The following FRY variants were observed in gnomAD, a reference collection of about 807,000 sequenced individuals.
FRY encodes FRY microtubule binding protein, also known as protein furry homolog.
In FRY, 128 loss-of-function variants were observed where a neutral mutation model predicts 348.4. The ratio of observed to expected loss-of-function variants is 0.37; its 90% confidence interval spans 0.32 to 0.43. The LOEUF (loss-of-function observed/expected upper bound fraction) is 0.43, where lower values mean the gene tolerates loss of function less well. FRY is among the 20% of genes least tolerant of loss of function. FRY has a pLI of 1.00. For synonymous variants in FRY, 1,370 were observed against 1,374.7 expected, an observed-to-expected ratio of 1.00 and a Z score of 0.08; for missense variants, 2,736 against 3,695.2, an observed-to-expected ratio of 0.74 and a Z score of 6.73.
At chr13:32,261,160 C>T (rs992263117) in intron 51 of FRY, among the ~76,000 whole-genome samples, 10 of 152,160 alleles carry the variant, frequency 6.6e-5, no homozygotes, top group South Asian at 2.1e-4. Context: ...ACTAAATACC[C>T]AAAGGATTCT....
intron 17 of FRY, among the ~76,000 whole-genome samples, chr13:32,164,898 T>C (rs1326020633): frequency 6.6e-6 from 1 of 152,226 alleles, no homozygotes; most frequent in Non-Finnish European, 1.5e-5. Context: ...GCTCCTTTCC[T>C]TGTCACTTCC....
At chr13:32,179,597 T>C in intron 22 of FRY, 78 bp from the exon 23 acceptor site, 1 of 1,490,686 alleles carries the variant, frequency 6.7e-7, no homozygotes, top group Non-Finnish European at 9.3e-7. Flanking sequence ...GAAACTGTTA[T>C]AATGGGATCA....
chr13:32,267,152 C>A lies in FRY; in HGVS notation c.7947-18C>A. 1.9e-6 allele frequency: 3 copies of A among 1,607,904 alleles called. No individual in the cohort carries two copies. Among genetic ancestry groups the A allele is most frequent in the South Asian group, 2.2e-5 (2 of 90,936 alleles). On this transcript the variant is annotated intron_variant, in intron 54 of 60. Transcript: ENST00000542859. Reference sequence around the variant, plus strand: ...GAAGGACATCACTTCTTGACATAGTCGTTTTCATTTTTTCCAGCTTTGGAG... The same window carrying A: ...GAAGGACATCACTTCTTGACATAGTAGTTTTCATTTTTTCCAGCTTTGGAG...
At chr13:32,131,410 GAGA>G (rs1052402882) in intron 7 of FRY, among the ~76,000 whole-genome samples, 4 of 152,318 alleles carry the variant, frequency 2.6e-5, no homozygotes, top group Admixed American at 6.5e-5. Context: ...AGACCATTTT[GAGA>G]AGGTCTAAAT....
chr13:32,227,783 A>G (rs973172576), intron 39 of FRY, among the ~76,000 whole-genome samples: 2 of 138,362 alleles, frequency 1.4e-5, no homozygotes, highest in African/African-American at 5.5e-5. Flanking sequence ...ACAGAGTCTC[A>G]CTCTGTCTCC....
intron 52 of FRY, among the ~76,000 whole-genome samples, chr13:32,262,077 TG>T (rs781321286): frequency 1.1e-4 from 16 of 152,350 alleles, no homozygotes; most frequent in East Asian, 9.6e-4. Flanking sequence ...ATACCTTTTA[TG>T]ATTCTGGAAT....
At chr13:32,100,881 T>A (rs1396547379) in intron 2 of FRY, among the ~76,000 whole-genome samples, 1 of 152,170 alleles carries the variant, frequency 6.6e-6, no homozygotes, top group African/African-American at 2.4e-5. Flanking sequence ...TTAGGACCTC[T>A]TACTGATCCC....
At chr13:32,268,502 AAAAATATATATAT>A (rs1236750855) in intron 55 of FRY, among the ~76,000 whole-genome samples, 2 of 16,980 alleles carry the variant, frequency 1.2e-4, no homozygotes, top group African/African-American at 3.2e-4. Flanking sequence ...AAAAAAAAAA[AAAAATATATATAT>A]ATATATATAT....
intron 1 of FRY, among the ~76,000 whole-genome samples, chr13:32,034,668 C>T (rs1376666778): frequency 1.3e-5 from 2 of 152,178 alleles, no homozygotes; most frequent in Non-Finnish European, 2.9e-5. Context: ...TCAGTTTAAC[C>T]TGGAATGCTC....
Position 32,244,236 on chromosome 13 carries a change from C to A in FRY, c.6828+54C>A, listed in dbSNP as rs570202115. ...ACCAGTCGTTCTAAAAAGATGGAGG[C>A]TTTTCCTGTAGCTTGGCTACAAAAC... On this transcript the variant is annotated intron_variant, in intron 47 of 60. Coordinates refer to ENST00000542859, the MANE Select transcript of FRY (RefSeq NM_023037.3). 5.1e-5 allele frequency: 79 copies of A among 1,533,982 alleles called. No individual in the cohort carries two copies. In the South Asian group the frequency reaches 7.9e-4, roughly 15 times the overall value.
intron 55 of FRY, 29 bp from the exon 56 acceptor site, chr13:32,274,813 T>C (rs1385230960): frequency 6.3e-7 from 1 of 1,599,004 alleles, no homozygotes; most frequent in African/African-American, 1.3e-5. Context: ...AACTTGACCT[T>C]TACAAATGGT....
In FRY at chr13:32,155,528, C is replaced by G; in HGVS notation, c.1517C>G (p.Ala506Gly). 6.2e-7 allele frequency: 1 copy of G among 1,613,544 alleles called. No homozygotes were observed. The highest frequency in any genetic ancestry group is 1.1e-5 in the South Asian group (1 of 91,070). ...NIGLRAFLVI[A>G]DSLQQKDGEP... is the part of the protein sequence containing the mutation. ...GGTTTACGGGCATTCTTGGTCATAGCTGATAGCTTGCAGCAGAAAGATGGG... is the reference window on the plus strand; with the variant it reads ...GGTTTACGGGCATTCTTGGTCATAGGTGATAGCTTGCAGCAGAAAGATGGG... Residue 506 changes from alanine to glycine, a missense_variant, in exon 15 of 61, where the codon GCT becomes GGT. By Grantham distance (60) the Ala-to-Gly change is moderately conservative (BLOSUM62 0). Coordinates refer to ENST00000542859, the MANE Select transcript of FRY (RefSeq NM_023037.3).
intron 2 of FRY, among the ~76,000 whole-genome samples, chr13:32,079,789 G>A (rs1333448273): frequency 6.6e-6 from 1 of 152,110 alleles, no homozygotes; most frequent in Non-Finnish European, 1.5e-5. Flanking sequence ...ACCTTGGCAG[G>A]GCCACACACC....
At chr13:32,226,071 C>T in intron 39 of FRY, 97 bp downstream of exon 39, 1 of 967,420 alleles carries the variant, frequency 1.0e-6, no homozygotes. Flanking sequence ...TTCTCTCATG[C>T]TATGACCTCC....
intron 32 of FRY, 87 bp from the exon 33 acceptor site, chr13:32,209,498 C>A: frequency 3.1e-6 from 4 of 1,283,660 alleles, no homozygotes; most frequent in South Asian, 2.4e-5. Flanking sequence ...TTGAGACGGT[C>A]ATGACCCTCA....
At chr13:32,163,986 A>T (rs1365947410) in intron 17 of FRY, among the ~76,000 whole-genome samples, 1 of 152,132 alleles carries the variant, frequency 6.6e-6, no homozygotes, top group African/African-American at 2.4e-5. Context: ...TATATGGGAA[A>T]CCCATGAAGG....
intron 47 of FRY, among the ~76,000 whole-genome samples, chr13:32,246,957 G>A (rs560119481): frequency 0.016 from 74 of 4,686 alleles, no homozygotes; most frequent in African/African-American, 0.016. Context: ...ACTGGAAACC[G>A]GAGGGTGGGG....
intron 20 of FRY, 72 bp from the exon 21 acceptor site, chr13:32,178,105 C>T: frequency 2.0e-6 from 3 of 1,530,370 alleles, no homozygotes; most frequent in Non-Finnish European, 2.7e-6. Flanking sequence ...AATGAGTAGT[C>T]AGGCTGAGCC....
intron 1 of FRY, among the ~76,000 whole-genome samples, chr13:32,049,040 G>A (rs1279858444): frequency 1.3e-5 from 2 of 152,220 alleles, no homozygotes. Context: ...TGATGAAAGG[G>A]AAGGTGTAAG....
Sources: allele counts gnomAD v4.1 joint callset (sites outside exome capture counted in the v4.1 genomes callset), GRCh38; gene constraint gnomAD v4.1.1; transcripts MANE v1.5; gene names NCBI Gene and HGNC (gene_info 2026-07-23, HGNC 2026-07-21).